The following MVB12B variants were observed in gnomAD, a reference collection of about 807,000 sequenced individuals.
MVB12B encodes ESCRT-I complex subunit MVB12B.
Under a neutral mutation model 41.6 loss-of-function variants are expected in MVB12B, and 16 were observed. The observed-to-expected ratio is 0.38, with a 90% CI of 0.26 to 0.58. The LOEUF (loss-of-function observed/expected upper bound fraction) is 0.58. Ranked by LOEUF, MVB12B falls within the 20% of genes least tolerant of loss-of-function variation. MVB12B has a pLI of 0.62. For missense variants in MVB12B, 274 were observed against 380.2 expected (o/e 0.72, Z 2.32); for synonymous variants, 133 against 139.7 (o/e 0.95, Z 0.34).
At chr9:126,363,973 G>C (rs1830094947) in intron 2 of MVB12B, among the ~76,000 whole-genome samples, 1 of 152,112 alleles carries the variant, frequency 6.6e-6, no homozygotes, top group South Asian at 2.1e-4. Context: ...AGCCCCATGA[G>C]GAGGAGGCCA....
intron 1 of MVB12B, among the ~76,000 whole-genome samples, chr9:126,330,134 A>G (rs1250795318): frequency 1.3e-5 from 2 of 152,092 alleles, no homozygotes; most frequent in African/African-American, 4.8e-5. Flanking sequence ...TTTACTTGAC[A>G]CGCTTCTGGC....
At chr9:126,352,646 C>G (rs373234797) in intron 2 of MVB12B, among the ~76,000 whole-genome samples, 5 of 152,162 alleles carry the variant, frequency 3.3e-5, no homozygotes. Flanking sequence ...GCTGGTCAGA[C>G]GGATTATTTC....
intron 9 of MVB12B, among the ~76,000 whole-genome samples, chr9:126,491,075 G>A (rs781457585): frequency 1.3e-5 from 2 of 152,176 alleles, no homozygotes; most frequent in Non-Finnish European, 2.9e-5. Context: ...GTGTTTGTGC[G>A]TTGAAAAATG....
chr9:126,399,407 G>A (rs1316976541), intron 6 of MVB12B, among the ~76,000 whole-genome samples: 1 of 152,190 alleles, frequency 6.6e-6, no homozygotes, highest in East Asian at 1.9e-4. Flanking sequence ...TCCCATCTCT[G>A]TGGCCCTCTT....
chr9:126,498,116 G>A (rs1833876676), intron 9 of MVB12B, among the ~76,000 whole-genome samples: 2 of 152,226 alleles, frequency 1.3e-5, no homozygotes. Flanking sequence ...AGCCAGGGCT[G>A]CATTCCTCAT....
intron 2 of MVB12B, among the ~76,000 whole-genome samples, chr9:126,373,215 C>G (rs1371641331): frequency 6.6e-6 from 1 of 152,216 alleles, no homozygotes; most frequent in East Asian, 1.9e-4. Context: ...ACTGAGAGTT[C>G]CTGACCTCTT....
chr9:126,395,963 A>G lies in MVB12B; in HGVS notation c.662+266A>G, dbSNP rs1831102529. On this transcript the variant is annotated intron_variant, in intron 6 of 9. Coordinates refer to ENST00000361171, the MANE Select transcript of MVB12B (RefSeq NM_033446.3). The surrounding 1 kb of genome is among the most constrained non-coding windows in gnomAD (Gnocchi z 4.9). ...TTATGCAACTTAAAATTGGCTCCCT[A>G]TTCAAAAGAGCTGCTAGCTACACAC... The G allele has an allele frequency of 7.9e-7, 1 of 1,273,344 alleles. No homozygotes were observed. Among genetic ancestry groups the G allele is most frequent in the Non-Finnish European group, 9.9e-7 (1 of 1,006,500 alleles). 78.9% of individuals were successfully genotyped at this position (1,273,344 alleles called of 1,614,324 possible).
intron 1 of MVB12B, among the ~76,000 whole-genome samples, chr9:126,339,472 T>C (rs1485862088): frequency 1.3e-5 from 2 of 152,198 alleles, no homozygotes; most frequent in African/African-American, 4.8e-5. Context: ...GCCTCTTTTA[T>C]TTGCTTTCTG....
intron 2 of MVB12B, among the ~76,000 whole-genome samples, chr9:126,352,527 T>C (rs1829779317): frequency 1.3e-5 from 2 of 152,344 alleles, no homozygotes; most frequent in Admixed American, 1.3e-4. Flanking sequence ...TTGTGTTTAC[T>C]GCTGTTTCTG....
At chr9:126,500,790 T>C (rs1031250232) in intron 9 of MVB12B, among the ~76,000 whole-genome samples, 3 of 152,196 alleles carry the variant, frequency 2.0e-5, no homozygotes, top group Non-Finnish European at 4.4e-5. Flanking sequence ...CTAGGTGCCG[T>C]CCATGCCCTT....
At chr9:126,454,943 C>T (rs990949525) in intron 7 of MVB12B, among the ~76,000 whole-genome samples, 9 of 152,140 alleles carry the variant, frequency 5.9e-5, no homozygotes, top group African/African-American at 2.2e-4. Context: ...TCCCTTCCCT[C>T]CTGTGAGCCT....
intron 2 of MVB12B, among the ~76,000 whole-genome samples, chr9:126,368,071 C>T (rs1830232352): frequency 6.6e-6 from 1 of 152,220 alleles, no homozygotes; most frequent in South Asian, 2.1e-4. Flanking sequence ...GGAAGGGAAG[C>T]AGTGGTTTCC....
At chr9:126,448,535 TAAAGA>T (rs1235661105) in intron 7 of MVB12B, 2 of 152,222 alleles carry the variant, frequency 1.3e-5, no homozygotes, top group Non-Finnish European at 2.9e-5. Flanking sequence ...GGGTAATTCA[TAAAGA>T]AAAGAGGTTT....
At chr9:126,371,390 G>C (rs944400214) in intron 2 of MVB12B, among the ~76,000 whole-genome samples, 1 of 152,222 alleles carries the variant, frequency 6.6e-6, no homozygotes, top group South Asian at 2.1e-4. Flanking sequence ...TTCCTGTCTC[G>C]TGGGCCCCCC....
chr9:126,456,192 G>A (rs1177144002), intron 7 of MVB12B, among the ~76,000 whole-genome samples: 3 of 152,098 alleles, frequency 2.0e-5, no homozygotes, highest in Non-Finnish European at 4.4e-5. Context: ...CGCCCCGCCT[G>A]ATAGGTTATC....
At chr9:126,335,158 C>A in intron 1 of MVB12B, 1 of 1,036,056 alleles carries the variant, frequency 9.7e-7, no homozygotes, top group Non-Finnish European at 1.2e-6. Context: ...AACAACTTAG[C>A]AGCCCTCCTA....
intron 7 of MVB12B, among the ~76,000 whole-genome samples, chr9:126,446,938 C>CTTTTTTTTTTTTTTTTTTTTTTTTAATT (rs33991689): frequency 9.6e-6 from 1 of 104,324 alleles, no homozygotes; most frequent in Non-Finnish European, 1.8e-5. Context: ...TTTTAACTTT[C>CTTTTTTTTTTTTTTTTTTTTTTTTAATT]TTTTTTTTTT....
In MVB12B at chr9:126,391,232, G is replaced by A. The variant is rs1041410802; in HGVS notation, c.410-834G>A. Among the ~76,000 whole-genome samples, 2 of 152,162 alleles carry A rather than the reference G, an allele frequency of 1.3e-5. No individual in the cohort carries two copies. Among genetic ancestry groups the A allele is most frequent in the African/African-American group, 4.8e-5 (2 of 41,412 alleles). On this transcript the variant is annotated intron_variant, in intron 4 of 9. Coordinates refer to ENST00000361171, the MANE Select transcript of MVB12B (RefSeq NM_033446.3). The surrounding 1 kb of genome is among the most constrained non-coding windows in gnomAD (Gnocchi z 4.4). ...AAAACCTAACCTGAGTCTAATCGAG[G>A]CTTTAGCTCTGCCAGCCTACAGGAG...
At chr9:126,337,800 T>G (rs1829324902) in intron 1 of MVB12B, among the ~76,000 whole-genome samples, 1 of 152,194 alleles carries the variant, frequency 6.6e-6, no homozygotes, top group African/African-American at 2.4e-5. Context: ...CTGGGGTTGT[T>G]GCCAGTAGGC....
Sources: allele counts gnomAD v4.1 joint callset (sites outside exome capture counted in the v4.1 genomes callset), GRCh38; gene constraint gnomAD v4.1.1; non-coding constraint Gnocchi (gnomAD v3.1); transcripts MANE v1.5; gene names NCBI Gene and HGNC (gene_info 2026-07-23, HGNC 2026-07-21).